Variants in KANK1 observed in about 807,000 individuals in gnomAD.
KANK1 encodes the protein KN motif and ankyrin repeat domain-containing protein 1.
Under a neutral mutation model 106.2 loss-of-function variants are expected in KANK1, and 109 were observed. That is an observed-to-expected ratio of 1.03 (90% CI 0.88 to 1.20). KANK1 has a LOEUF of 1.20. Among genes scored for constraint, KANK1 ranks in the 50% most tolerant of loss-of-function variants. The probability of loss-of-function intolerance (pLI) is 0.00; values close to 1 mark genes in which losing one functional copy is unlikely to be tolerated. For synonymous variants in KANK1, 873 were observed against 652.2 expected (o/e 1.34, Z -5.16); for missense variants, 2,399 against 1,710.7 (o/e 1.40, Z -7.10).
At chr9:611,969 C>G (rs901576879) in intron 1 of KANK1, among the ~76,000 whole-genome samples, 2 of 152,208 alleles carry the variant, frequency 1.3e-5, no homozygotes, top group Non-Finnish European at 2.9e-5. Context: ...CCGCCAGTCT[C>G]GGCCTCCCAG....
In KANK1 at chr9:732,499, A is replaced by G. The variant is rs1832585898; in HGVS notation, c.3127A>G (p.Thr1043Ala). Residue 1043 changes from threonine (T) to alanine (A), a missense_variant, in exon 6 of 12, where the codon ACT (threonine) becomes GCT (alanine). Coordinates refer to ENST00000382297, the MANE Select transcript of KANK1 (RefSeq NM_015158.5). ...EEEEEEEDEDTRGMAEGHHAV... is the reference protein window; with the variant it reads ...EEEEEEEDEDARGMAEGHHAV... Reference sequence around the variant, plus strand: ...AGAGGAGGAGGAGGAGGATGAAGACACTCGGGGAATGGCAGAAGGGCACCA... The same window carrying G: ...AGAGGAGGAGGAGGAGGATGAAGACGCTCGGGGAATGGCAGAAGGGCACCA... The G allele has an allele frequency of 6.2e-7, 1 of 1,614,060 alleles. No individual in the cohort carries two copies.
At chr9:705,698 A>C (rs1405621561) in intron 2 of KANK1, among the ~76,000 whole-genome samples, 1 of 151,732 alleles carries the variant, frequency 6.6e-6, no homozygotes, top group Non-Finnish European at 1.5e-5. Context: ...TCCCAGGTTC[A>C]AGCGATTCTC....
intron 1 of KANK1, among the ~76,000 whole-genome samples, chr9:551,653 G>C (rs1437808915): frequency 6.6e-6 from 1 of 152,116 alleles, no homozygotes; most frequent in Admixed American, 6.5e-5. Flanking sequence ...ATACAGCAGT[G>C]AACAGACATG....
intron 2 of KANK1, among the ~76,000 whole-genome samples, chr9:472,286 G>A (rs186703720): frequency 8.5e-5 from 13 of 152,312 alleles, no homozygotes; most frequent in Non-Finnish European, 1.8e-4. Flanking sequence ...GAAGCAAGGC[G>A]TAGCCTCAGA....
intron 1 of KANK1, among the ~76,000 whole-genome samples, chr9:593,843 T>C (rs775349806): frequency 6.6e-6 from 1 of 151,906 alleles, no homozygotes; most frequent in Non-Finnish European, 1.5e-5. Flanking sequence ...ACTGGACTTC[T>C]AGGGAATGGG....
At chr9:611,112 A>G (rs1450513700) in intron 1 of KANK1, among the ~76,000 whole-genome samples, 1 of 152,112 alleles carries the variant, frequency 6.6e-6, no homozygotes, top group Non-Finnish European at 1.5e-5. Context: ...TCCATCCCCA[A>G]GACCTGAAGG....
In KANK1 at chr9:742,209, G is replaced by A. The variant is rs567509429; in HGVS notation, c.3701G>A (p.Gly1234Glu). ...GDVNAKASQA[G>E]QTALMLAVSH... ...CCTTGTCATCTCTTCCCATAGGCGG[G>A]ACAGACGGCCCTCATGCTGGCGGTC... The change falls in exon 10 of 12, where the codon GGA (glycine) becomes GAA (glutamate). Residue 1234 changes from glycine to glutamate, a missense_variant. Physicochemically the swap from Gly to Glu is moderately conservative, Grantham distance 98 (BLOSUM62 -2). Transcript: ENST00000382297. 6.2e-7 allele frequency: 1 copy of A among 1,614,102 alleles called. No homozygotes were observed. Among genetic ancestry groups the A allele is most frequent in the African/African-American group, 1.3e-5 (1 of 75,072 alleles).
chr9:691,537 G>A (rs377011021), intron 2 of KANK1, among the ~76,000 whole-genome samples: 2 of 149,796 alleles, frequency 1.3e-5, no homozygotes, highest in African/African-American at 2.5e-5. Context: ...CTAGGATTGC[G>A]GGCATGAGCC....
chr9:610,263 C>T (rs1830260001), intron 1 of KANK1, among the ~76,000 whole-genome samples: 2 of 152,046 alleles, frequency 1.3e-5, no homozygotes, highest in African/African-American at 4.8e-5. Context: ...CACAATTATC[C>T]TAATAAATTA....
At chr9:544,568 G>A (rs991772959) in intron 1 of KANK1, among the ~76,000 whole-genome samples, 10 of 152,198 alleles carry the variant, frequency 6.6e-5, no homozygotes, top group Non-Finnish European at 1.2e-4. Context: ...GATGCAAAGT[G>A]AGGACGTAAC....
At chr9:566,756 T>C (rs897902016) in intron 1 of KANK1, among the ~76,000 whole-genome samples, 6 of 152,218 alleles carry the variant, frequency 3.9e-5, no homozygotes, top group African/African-American at 9.6e-5. Context: ...TATTAGACTT[T>C]TGTCAGATGG....
At chr9:723,591 C>T (rs145360664) in intron 3 of KANK1, among the ~76,000 whole-genome samples, 54 of 152,078 alleles carry the variant, frequency 3.6e-4, no homozygotes, top group African/African-American at 1.3e-3. Flanking sequence ...CATTCCATTG[C>T]ACTCTAGCCT....
intron 1 of KANK1, among the ~76,000 whole-genome samples, chr9:561,751 G>C (rs1026705023): frequency 6.6e-6 from 1 of 152,200 alleles, no homozygotes. Context: ...GAAAGTTTTA[G>C]TGTAGGACCA....
chr9:655,440 G>C (rs1320239639), intron 1 of KANK1, among the ~76,000 whole-genome samples: 1 of 151,280 alleles, frequency 6.6e-6, no homozygotes, highest in African/African-American at 2.4e-5. Context: ...AAAAGGTAAT[G>C]GGTTAGGAAG....
At chr9:725,365 C>G (rs911691197) in intron 3 of KANK1, among the ~76,000 whole-genome samples, 2 of 151,942 alleles carry the variant, frequency 1.3e-5, no homozygotes, top group Non-Finnish European at 2.9e-5. Context: ...TGGTTGTGCA[C>G]ACCTGTAGCC....
chr9:740,829 C>CA lies in KANK1; in HGVS notation c.3592dup (p.Thr1198AsnfsTer34). On this transcript the variant is annotated frameshift_variant, in exon 9 of 12. Transcript: ENST00000382297. LOFTEE classifies it high-confidence loss of function. ...TGGATCACCAGAACAAGGCAGGCTA[C>CA]ACCCCCATCATGTTGGCGGCCCTCG... 1.2e-6 allele frequency: 2 copies of CA among 1,613,190 alleles called. No individual in the cohort carries two copies. Among genetic ancestry groups the CA allele is most frequent in the Non-Finnish European group, 1.7e-6 (2 of 1,179,732 alleles).
intron 1 of KANK1, among the ~76,000 whole-genome samples, chr9:600,213 C>T (rs1272414149): frequency 6.6e-6 from 1 of 151,692 alleles, no homozygotes; most frequent in Non-Finnish European, 1.5e-5. Context: ...CCCCCTCTTC[C>T]CCTGGCAGCC....
At chr9:586,714 A>T (rs976905) in intron 1 of KANK1, among the ~76,000 whole-genome samples, 42,912 of 152,008 alleles carry the variant, frequency 0.28, 6,281 homozygotes, top group Admixed American at 0.36. Context: ...GGAGGAGGAG[A>T]ACAGAACAGA....
chr9:711,842 A>G lies in KANK1; in HGVS notation c.1076A>G (p.Gln359Arg). The change falls in exon 3 of 12, where the codon CAG becomes CGG. Residue 359 changes from glutamine to arginine, a missense_variant. Physicochemically the swap from Gln to Arg is conservative, Grantham distance 43 (BLOSUM62 1). Transcript: ENST00000382297. ...YEEEEMETVE[Q>R]STQRIKEFRQ... ...GAGGAAGAAATGGAGACCGTAGAACAGAGCACGCAGAGGATAAAGGAGTTC... is the reference window on the plus strand; with the variant it reads ...GAGGAAGAAATGGAGACCGTAGAACGGAGCACGCAGAGGATAAAGGAGTTC... 1 of 1,614,174 alleles carries G rather than the reference A, an allele frequency of 6.2e-7. No individual in the cohort carries two copies. Among genetic ancestry groups the G allele is most frequent in the Non-Finnish European group, 8.5e-7 (1 of 1,180,020 alleles).
Sources: gnomAD v4.1 joint callset for allele counts (sites outside exome capture counted in the v4.1 genomes callset) on GRCh38, gnomAD v4.1.1 for gene constraint, MANE v1.5 for transcripts, NCBI Gene and HGNC (gene_info 2026-07-23, HGNC 2026-07-21) for gene names.